ARB2A: variants seen among roughly 807,000 people sequenced by gnomAD.
The protein encoded by ARB2A is cotranscriptional regulator ARB2A.
chr5:94,039,009 A>G, the ARB2A span, among the ~76,000 whole-genome samples: 5 of 152,314 alleles, frequency 3.3e-5, no homozygotes, highest in East Asian at 5.8e-4. Flanking sequence ...TAGTGCTTCT[A>G]TGTCCAAGAC....
the ARB2A span, chr5:94,050,604 A>C: frequency 2.8e-6 from 2 of 726,446 alleles, no homozygotes; most frequent in South Asian, 2.1e-5. Flanking sequence ...GAACAAAAAA[A>C]AAAAACAAAA....
the ARB2A span, among the ~76,000 whole-genome samples, chr5:93,952,669 G>C: frequency 6.6e-6 from 1 of 152,104 alleles, no homozygotes; most frequent in African/African-American, 2.4e-5. Context: ...TCTGCTTGGA[G>C]TTCCATAACT....
chr5:93,979,426 A>G, the ARB2A span, among the ~76,000 whole-genome samples: 22 of 152,154 alleles, frequency 1.4e-4, no homozygotes, highest in Non-Finnish European at 2.4e-4. Flanking sequence ...GGTGAAACCT[A>G]TATATTGAAT....
At chr5:94,110,342 C>T in the ARB2A span, among the ~76,000 whole-genome samples, 1 of 152,168 alleles carries the variant, frequency 6.6e-6, no homozygotes, top group East Asian at 1.9e-4. Context: ...TGAAGGTTGC[C>T]AGTAAATACT....
the ARB2A span, among the ~76,000 whole-genome samples, chr5:94,018,844 A>G: frequency 6.6e-6 from 1 of 152,108 alleles, no homozygotes; most frequent in Non-Finnish European, 1.5e-5. Flanking sequence ...AAAACAACCC[A>G]TATAGCCAAG....
the ARB2A span, among the ~76,000 whole-genome samples, chr5:93,883,832 T>C: frequency 2.0e-5 from 3 of 150,960 alleles, no homozygotes. Flanking sequence ...CTAGATTCTG[T>C]ACCGTGAGTA....
the ARB2A span, among the ~76,000 whole-genome samples, chr5:94,080,716 G>A: frequency 6.6e-6 from 1 of 152,138 alleles, no homozygotes; most frequent in Admixed American, 6.5e-5. Flanking sequence ...GGACAACCCC[G>A]ATAGGCAATA....
At chr5:93,687,602 AT>A in the ARB2A span, among the ~76,000 whole-genome samples, 31 of 152,142 alleles carry the variant, frequency 2.0e-4, no homozygotes, top group Admixed American at 5.2e-4. Flanking sequence ...CAATATGTAC[AT>A]TTTTTTGGTA....
the ARB2A span, among the ~76,000 whole-genome samples, chr5:93,722,163 C>A: frequency 6.6e-6 from 1 of 152,104 alleles, no homozygotes; most frequent in Non-Finnish European, 1.5e-5. Context: ...GCGGAGGATT[C>A]ATGGGAAGAA....
At chr5:93,846,141 A>G in the ARB2A span, among the ~76,000 whole-genome samples, 15 of 152,128 alleles carry the variant, frequency 9.9e-5, no homozygotes, top group Admixed American at 2.0e-4. Flanking sequence ...GGAGACCTCT[A>G]AAGTTCTATC....
chr5:93,822,982 T>A, the ARB2A span, among the ~76,000 whole-genome samples: 1 of 152,088 alleles, frequency 6.6e-6, no homozygotes, highest in South Asian at 2.1e-4. Context: ...ATAGGGTGGT[T>A]GAAAAGGTCA....
At chr5:93,693,000 C>T in the ARB2A span, among the ~76,000 whole-genome samples, 1 of 152,146 alleles carries the variant, frequency 6.6e-6, no homozygotes, top group Non-Finnish European at 1.5e-5. Context: ...TTCTTTGAAA[C>T]CAATGAGAAC....
the ARB2A span, chr5:93,741,205 G>A: frequency 1.2e-6 from 2 of 1,613,698 alleles, no homozygotes; most frequent in Admixed American, 1.7e-5. Flanking sequence ...CAGTATGCCC[G>A]AGATGTCCTC....
the ARB2A span, among the ~76,000 whole-genome samples, chr5:93,940,143 T>G: frequency 6.6e-6 from 1 of 152,100 alleles, no homozygotes. Flanking sequence ...TTAAGATTGT[T>G]GACATCTGAA....
the ARB2A span, among the ~76,000 whole-genome samples, chr5:93,950,208 CATCCTTTCGGGTATATACCTAGCA>C: frequency 6.6e-6 from 1 of 152,156 alleles, no homozygotes; most frequent in African/African-American, 2.4e-5. Context: ...AACTGATTTC[CATCCTTTCGGGTATATACCTAGCA>C]ATGGGATTGC....
chr5:93,952,057 C>T, the ARB2A span, among the ~76,000 whole-genome samples: 1 of 151,984 alleles, frequency 6.6e-6, no homozygotes, highest in Non-Finnish European at 1.5e-5. Flanking sequence ...AACTAAGAGC[C>T]CTGGATATAG....
At chr5:93,881,770 C>G in the ARB2A span, 4 of 953,436 alleles carry the variant, frequency 4.2e-6, no homozygotes, top group Non-Finnish European at 5.8e-6. Context: ...AAATTTCAGT[C>G]TAAGCAATTT....
chr5:93,898,464 T>C, the ARB2A span, among the ~76,000 whole-genome samples: 1 of 152,048 alleles, frequency 6.6e-6, no homozygotes, highest in Non-Finnish European at 1.5e-5. Flanking sequence ...TTCTCTTTCA[T>C]TCTCAACCTT....
chr5:93,778,595 A>G, the ARB2A span, among the ~76,000 whole-genome samples: 2 of 152,146 alleles, frequency 1.3e-5, no homozygotes, highest in Non-Finnish European at 2.9e-5. Flanking sequence ...GACAGCAATT[A>G]GCACTACCGA....
Sources: gnomAD v4.1 joint callset for allele counts (sites outside exome capture counted in the v4.1 genomes callset) on GRCh38, gnomAD v4.1.1 for gene constraint, MANE v1.5 for transcripts, NCBI Gene and HGNC (gene_info 2026-07-23, HGNC 2026-07-21) for gene names.